Variants in PROSER1 observed in about 807,000 individuals in gnomAD.
PROSER1 encodes the protein proline and serine rich 1.
PROSER1 carries 36 observed loss-of-function variants against 71.8 expected under a neutral mutation model. The ratio of observed to expected loss-of-function variants is 0.50; its 90% CI spans 0.38 to 0.66. The LOEUF (loss-of-function observed/expected upper bound fraction) is 0.66, where lower values mean the gene tolerates loss of function less well. Among genes scored for constraint, PROSER1 ranks in the 30% least tolerant of loss-of-function variants. The probability of loss-of-function intolerance (pLI) is 0.00; values close to 1 mark genes in which losing one functional copy is unlikely to be tolerated. For synonymous variants in PROSER1, 490 were observed against 452.4 expected (o/e 1.08, Z -1.06); for missense variants, 1,107 against 1,135.0 (o/e 0.98, Z 0.35).
rs1460562777 is a variant in PROSER1 at position 39,014,279 on chromosome 13, G to C, written c.973C>G (p.His325Asp). The C allele has an allele frequency of 1.2e-6, 2 of 1,614,142 alleles. No individual in the cohort carries two copies. Among genetic ancestry groups the C allele is most frequent in the Non-Finnish European group, 1.7e-6 (2 of 1,180,024 alleles). The change falls in exon 11 of 13, where the codon CAC becomes GAC. Residue 325 changes from histidine to aspartate, a missense_variant. Coordinates refer to ENST00000352251, the MANE Select transcript of PROSER1 (RefSeq NM_025138.5). ...VFPGQVSSAVHTPQPSIPNPT... is the reference protein window; with the variant it reads ...VFPGQVSSAVDTPQPSIPNPT... ...TTTGGTATTGATGGCTGAGGTGTGT[G>C]AACGGCTGAGGAGACCTGCCCTGGG...
chr13:39,021,797 T>G (rs1467167767), intron 9 of PROSER1, among the ~76,000 whole-genome samples: 1 of 152,250 alleles, frequency 6.6e-6, no homozygotes, highest in African/African-American at 2.4e-5. Flanking sequence ...TGGGGCTGAT[T>G]TGGATGCCTC....
In PROSER1 at chr13:39,013,203, T is replaced by A. The variant is rs753063645; in HGVS notation, c.2049A>T (p.Pro683=). The change falls in exon 11 of 13, where the codon CCA becomes CCT. Residue 683 remains proline (P), a synonymous_variant. Transcript: ENST00000352251. ...GTGCAATGGGAGTGGAGGAACCATG[T>A]GGTGGAAGGGAAATAGAGGAAAGAG... ...SNPLSSISLP[P]HGSSTPIAPV... is the part of the protein sequence containing the mutation. The A allele has an allele frequency of 5.6e-6, 9 of 1,613,914 alleles. No homozygotes were observed. The highest frequency in any genetic ancestry group is 3.3e-5 in the Admixed American group (2 of 59,998).
At chr13:39,025,624 A>G (rs1870511138) in intron 6 of PROSER1, among the ~76,000 whole-genome samples, 2 of 152,206 alleles carry the variant, frequency 1.3e-5, no homozygotes, top group South Asian at 4.1e-4. Context: ...CCAAGCATGT[A>G]AACGAGTCAC....
chr13:39,013,274 A>G lies in PROSER1; in HGVS notation c.1978T>C (p.Leu660=). 6.2e-7 allele frequency: 1 copy of G among 1,614,154 alleles called. No homozygotes were observed. Among genetic ancestry groups the G allele is most frequent in the South Asian group, 1.1e-5 (1 of 91,076 alleles). ...GTACTCAAGCTGGAGAGACCTGACAATGCAGGATTAAGGCAAGCAGATAAA... is the reference window on the plus strand; with the variant it reads ...GTACTCAAGCTGGAGAGACCTGACAGTGCAGGATTAAGGCAAGCAGATAAA... ...ISLSACLNPA[L]SGLSSLSTPL... The change falls in exon 11 of 13, where the codon TTG becomes CTG. Residue 660 remains leucine, a synonymous_variant. Coordinates refer to ENST00000352251, the MANE Select transcript of PROSER1 (RefSeq NM_025138.5).
chr13:39,024,498 G>A lies in PROSER1; in HGVS notation c.539C>T (p.Ala180Val), dbSNP rs1425889537. The A allele has an allele frequency of 1.9e-6, 3 of 1,609,606 alleles. No homozygotes were observed. The Admixed American group carries it at 5.0e-5, about 27-fold the overall frequency. The part of the protein sequence containing the change: ...ECTNEGKGIA[A>V]RILGPSKPPP... ...TGGTTTGGATGGCCCAAGAATTCGT[G>A]CAGCTATTCCTTTGCCTTCGTTAGT... The change falls in exon 7 of 13, where the codon GCA (alanine) becomes GTA (valine). Residue 180 changes from alanine (A) to valine (V), a missense_variant. By Grantham distance (64) the Ala-to-Val change is moderately conservative. Transcript: ENST00000352251.
chr13:39,028,067 T>A, intron 5 of PROSER1, among the ~76,000 whole-genome samples, 160 bp downstream of exon 5: 1 of 152,086 alleles, frequency 6.6e-6, no homozygotes, highest in Admixed American at 6.5e-5. Flanking sequence ...ATCAACCAGC[T>A]CTATTTCCAC....
chr13:39,017,806 C>T (rs1870078302), intron 9 of PROSER1: 2 of 335,522 alleles, frequency 6.0e-6, no homozygotes, highest in Non-Finnish European at 1.1e-5. Context: ...AGCATCTCTA[C>T]CTTAGCTTGT....
intron 7 of PROSER1, chr13:39,023,331 G>A: frequency 2.0e-6 from 1 of 504,916 alleles, no homozygotes; most frequent in Non-Finnish European, 3.6e-6. Flanking sequence ...TGCAGATCTT[G>A]CCAAAGATGG....
At chr13:39,014,922 C>T (rs1350370046) in intron 10 of PROSER1, among the ~76,000 whole-genome samples, 1 of 152,098 alleles carries the variant, frequency 6.6e-6, no homozygotes, top group Non-Finnish European at 1.5e-5. Flanking sequence ...AGGATTCATG[C>T]CCAGCTCTCC....
intron 9 of PROSER1, among the ~76,000 whole-genome samples, chr13:39,021,222 T>C (rs776273690): frequency 1.1e-4 from 17 of 152,158 alleles, no homozygotes; most frequent in Non-Finnish European, 2.2e-4. Context: ...CTAATCTGCA[T>C]GTGATAAACT....
At chr13:39,020,377 C>G (rs1434301384) in intron 9 of PROSER1, among the ~76,000 whole-genome samples, 1 of 152,042 alleles carries the variant, frequency 6.6e-6, no homozygotes, top group Admixed American at 6.6e-5. Context: ...TACACACACA[C>G]ACACACCCCT....
chr13:39,031,612 T>C lies in PROSER1; in HGVS notation c.131A>G (p.Tyr44Cys), dbSNP rs1870846584. ...SSEQVVDLLRYFSWAEPQLKA... is the reference protein window; with the variant it reads ...SSEQVVDLLRCFSWAEPQLKA... ...CAACTGGGGCTCGGCCCAGGAAAAA[T>C]ATCTCAGCAAATCAACCACCTGAAA... The change falls in exon 3 of 13, where the codon TAT becomes TGT. Residue 44 changes from tyrosine to cysteine, a missense_variant. Tyr to Cys is a radical substitution (Grantham distance 194, BLOSUM62 -2). Transcript: ENST00000352251. 2 of 1,613,042 alleles carry C rather than the reference T, an allele frequency of 1.2e-6. No individual in the cohort carries two copies. The highest frequency in any genetic ancestry group is 2.2e-5 in the East Asian group (1 of 44,842).
intron 9 of PROSER1, 111 bp downstream of exon 9, chr13:39,022,214 CT>C: frequency 1.3e-6 from 1 of 752,702 alleles, no homozygotes; most frequent in Non-Finnish European, 2.4e-6. Context: ...ATCCTTCAGA[CT>C]CTTGAGCTTG....
Position 39,013,739 on chromosome 13 carries a change from G to A in PROSER1, c.1513C>T (p.Leu505Phe). 1.2e-6 allele frequency: 2 copies of A among 1,614,222 alleles called. No homozygotes were observed. The highest frequency in any genetic ancestry group is 1.1e-5 in the South Asian group (1 of 91,080). The change falls in exon 11 of 13, where the codon CTT becomes TTT. Residue 505 changes from leucine to phenylalanine, a missense_variant. Transcript: ENST00000352251. ...GAAGCAGAAGAGTCAGAGTTCTGAA[G>A]AGTAAGAGAAGATAGTGAAGCCAGC... ...SGLASLSSLT[L>F]QNSDSSASAP... is the part of the protein sequence containing the mutation.
chr13:39,026,742 T>C (rs1169820502), intron 5 of PROSER1, among the ~76,000 whole-genome samples: 1 of 152,160 alleles, frequency 6.6e-6, no homozygotes, highest in African/African-American at 2.4e-5. Context: ...TCATGTTACA[T>C]TTGAGGAAAG....
At chr13:39,019,356 AAAAAAAG>A (rs1290663570) in intron 9 of PROSER1, among the ~76,000 whole-genome samples, 20 of 150,688 alleles carry the variant, frequency 1.3e-4, no homozygotes, top group African/African-American at 4.6e-4. Context: ...ACAAAAAAAA[AAAAAAAG>A]AAAAATTAGC....
chr13:39,013,920 G>A lies in PROSER1; in HGVS notation c.1332C>T (p.Ser444=), dbSNP rs780644266. Reference sequence around the variant, plus strand: ...CACCAGCAATTACAGGAGTCGGGTTGGATAGGCCTTGGGATGTTGGTGGTA... The same window carrying A: ...CACCAGCAATTACAGGAGTCGGGTTAGATAGGCCTTGGGATGTTGGTGGTA... The part of the protein sequence containing the change: ...LPLPPTSQGL[S]NPTPVIAGGS... The change falls in exon 11 of 13, where the codon TCC becomes TCT. Residue 444 remains serine, a synonymous_variant. Coordinates refer to ENST00000352251, the MANE Select transcript of PROSER1 (RefSeq NM_025138.5). The A allele has an allele frequency of 1.1e-5, 18 of 1,614,080 alleles. 1 individual carries two copies. Among genetic ancestry groups the A allele is most frequent in the African/African-American group, 1.3e-5 (1 of 74,914 alleles).
chr13:39,017,048 C>T (rs1441686817), intron 10 of PROSER1, among the ~76,000 whole-genome samples: 1 of 152,194 alleles, frequency 6.6e-6, no homozygotes, highest in Non-Finnish European at 1.5e-5. Flanking sequence ...CCATTTTCTG[C>T]TTTGGTGCCC....
In PROSER1 at chr13:39,023,111, G is replaced by A; in HGVS notation, c.584C>T (p.Pro195Leu). The change falls in exon 8 of 13, where the codon CCA becomes CTA. Residue 195 changes from proline (P) to leucine (L), a missense_variant. Physicochemically the swap from Pro to Leu is moderately conservative, Grantham distance 98. Coordinates refer to ENST00000352251, the MANE Select transcript of PROSER1 (RefSeq NM_025138.5). ...TATCGGATAAGGAACAGGTTTATGTGGATTATATGTTGAAGGAGGCTAAAA... is the reference window on the plus strand; with the variant it reads ...TATCGGATAAGGAACAGGTTTATGTAGATTATATGTTGAAGGAGGCTAAAA... ...PSKPPPSTYNPHKPVPYPIPP... is the reference protein window; with the variant it reads ...PSKPPPSTYNLHKPVPYPIPP... The A allele has an allele frequency of 6.2e-7, 1 of 1,612,534 alleles. No individual in the cohort carries two copies. The highest frequency in any genetic ancestry group is 8.5e-7 in the Non-Finnish European group (1 of 1,178,858).
Sources: allele counts gnomAD v4.1 joint callset (sites outside exome capture counted in the v4.1 genomes callset), GRCh38; gene constraint gnomAD v4.1.1; transcripts MANE v1.5; gene names NCBI Gene and HGNC (gene_info 2026-07-23, HGNC 2026-07-21).